The following ZNF536 variants were observed in gnomAD, a reference collection of about 807,000 sequenced individuals.
ZNF536 encodes zinc finger protein 536.
A neutral mutation model predicts 84.5 loss-of-function variants in ZNF536; 13 were observed. The observed-to-expected ratio is 0.15, with a 90% CI of 0.10 to 0.24. The LOEUF is 0.24. Ranked by LOEUF, ZNF536 falls within the 10% of genes least tolerant of loss-of-function variation. The pLI, the probability that ZNF536 is intolerant of heterozygous loss-of-function variation, is 1.00. For missense variants in ZNF536, 1,536 were observed against 1,747.5 expected (o/e 0.88, Z 2.16); for synonymous variants, 811 against 742.5 (o/e 1.09, Z -1.50).
chr19:30,537,133 C>A (rs1197152249), intron 3 of ZNF536, among the ~76,000 whole-genome samples: 1 of 152,336 alleles, frequency 6.6e-6, no homozygotes, highest in Non-Finnish European at 1.5e-5. Flanking sequence ...GTGTCCCCAG[C>A]CTAGAACAGA....
intron 1 of ZNF536, among the ~76,000 whole-genome samples, chr19:30,240,345 C>T (rs1273769384): frequency 6.6e-6 from 1 of 151,800 alleles, no homozygotes; most frequent in Admixed American, 6.6e-5. Flanking sequence ...TACACTCCAG[C>T]CTGGGTGACA....
intron 2 of ZNF536, among the ~76,000 whole-genome samples, chr19:30,299,246 T>C (rs1325849973): frequency 2.0e-5 from 3 of 151,980 alleles, no homozygotes; most frequent in Non-Finnish European, 2.9e-5. Context: ...CAACAGCTCA[T>C]TTAAATAAGC....
intron 1 of ZNF536, among the ~76,000 whole-genome samples, chr19:30,673,052 A>G (rs1044580669): frequency 2.6e-5 from 4 of 152,176 alleles, no homozygotes; most frequent in Non-Finnish European, 4.4e-5. Context: ...GCTTTGGCAT[A>G]TGTGGAAACA....
intron 1 of ZNF536, among the ~76,000 whole-genome samples, chr19:30,626,884 C>T (rs1355748289): frequency 1.3e-5 from 2 of 152,242 alleles, no homozygotes; most frequent in Non-Finnish European, 2.9e-5. Context: ...GAAGCCCTAA[C>T]CTCCAGGCTG....
intron 1 of ZNF536, among the ~76,000 whole-genome samples, chr19:30,619,365 CATG>C (rs1272869639): frequency 6.6e-6 from 1 of 152,160 alleles, no homozygotes; most frequent in African/African-American, 2.4e-5. Flanking sequence ...AACTTAGGTA[CATG>C]TCTGGATCCA....
chr19:30,695,453 G>A, intron 1 of ZNF536, among the ~76,000 whole-genome samples: 1 of 152,216 alleles, frequency 6.6e-6, no homozygotes, highest in East Asian at 1.9e-4. Flanking sequence ...TAATTGTGTG[G>A]TGCCACAGAT....
intron 1 of ZNF536, among the ~76,000 whole-genome samples, chr19:30,565,013 G>A (rs1018349581): frequency 1.3e-5 from 2 of 152,074 alleles, no homozygotes; most frequent in South Asian, 2.1e-4. Context: ...CCGTGCCATC[G>A]CCTTGTCCGG....
intron 1 of ZNF536, among the ~76,000 whole-genome samples, chr19:30,276,533 T>C (rs2026143163): frequency 6.6e-6 from 1 of 152,216 alleles, no homozygotes; most frequent in Non-Finnish European, 1.5e-5. Context: ...CTCAGCTTTT[T>C]AGTTTTTTTT....
chr19:30,605,626 T>C (rs922966053), intron 1 of ZNF536, among the ~76,000 whole-genome samples: 2 of 152,214 alleles, frequency 1.3e-5, no homozygotes, highest in African/African-American at 4.8e-5. Context: ...TTTGCAACTT[T>C]GAATTGTGCT....
At chr19:30,327,660 CT>C (rs1175989109) in intron 2 of ZNF536, among the ~76,000 whole-genome samples, 1 of 152,210 alleles carries the variant, frequency 6.6e-6, no homozygotes, top group African/African-American at 2.4e-5. Context: ...TGGGAGGTGT[CT>C]TTCATGCATT....
rs373123544 is a variant in ZNF536 at position 30,423,797 on chromosome 19, G to A, written c.-2-19764G>A. The stretch of plus-strand genomic sequence containing the variant: ...GGCTGGCAGTGACAGCAGCTGTGGC[G>A]GGGAACGGGGGCCTGGGAGCGGTCG... On this transcript the variant is annotated intron_variant, in intron 1 of 4. Transcript: ENST00000355537. Among the ~76,000 whole-genome samples the A allele has an allele frequency of 4.8e-3, 732 of 152,300 alleles. 9 individuals are homozygous for A. Among genetic ancestry groups the A allele is most frequent in the South Asian group, 0.041 (199 of 4,822 alleles).
At chr19:30,602,086 C>T (rs759761580) in intron 1 of ZNF536, among the ~76,000 whole-genome samples, 10 of 152,176 alleles carry the variant, frequency 6.6e-5, no homozygotes, top group African/African-American at 1.9e-4. Context: ...CACCCATTAG[C>T]GTTATCTGCA....
chr19:30,240,646 C>A (rs990612660), intron 1 of ZNF536, among the ~76,000 whole-genome samples: 11 of 152,188 alleles, frequency 7.2e-5, no homozygotes, highest in African/African-American at 2.7e-4. Context: ...CCTGGAAGAA[C>A]CCCCGAGCAG....
chr19:30,359,072 G>A (rs1229167237), intron 3 of ZNF536, among the ~76,000 whole-genome samples: 1 of 150,282 alleles, frequency 6.7e-6, no homozygotes, highest in African/African-American at 2.5e-5. Flanking sequence ...CAGCCGCCTA[G>A]GAGTGTGGGC....
chr19:30,525,109 G>A (rs181969155), intron 2 of ZNF536, among the ~76,000 whole-genome samples: 2 of 152,302 alleles, frequency 1.3e-5, no homozygotes, highest in East Asian at 3.9e-4. Context: ...TCACACTTTA[G>A]TCTTCTAAGG....
Position 30,702,567 on chromosome 19 carries a change from A to T in ZNF536, c.170-8190A>T, listed in dbSNP as rs147571064. Among the ~76,000 whole-genome samples the T allele has an allele frequency of 5.8e-3, 878 of 152,114 alleles. 5 individuals are homozygous for T. Among genetic ancestry groups the T allele is most frequent in the African/African-American group, 0.02 (838 of 41,494 alleles). On this transcript the variant is annotated intron_variant, in intron 1 of 1. Transcript: ENST00000592773. ...ACTGGTGTGGCGGCAGTGCTGGAAA[A>T]GTCTTCCCAATTCTCTTCTCCCACG... is the stretch of plus-strand genomic sequence containing the variant.
chr19:30,226,756 C>T (rs1599795524), upstream of ZNF536, among the ~76,000 whole-genome samples: 2 of 152,204 alleles, frequency 1.3e-5, no homozygotes, highest in East Asian at 3.9e-4. The surrounding 1 kb of genome is among the most constrained non-coding windows in gnomAD (Gnocchi z 4.6). Context: ...CCAATCAGAG[C>T]GAGGAAGTGC....
At chr19:30,347,911 C>G (rs2047801280) in intron 2 of ZNF536, among the ~76,000 whole-genome samples, 1 of 152,186 alleles carries the variant, frequency 6.6e-6, no homozygotes, top group African/African-American at 2.4e-5. Context: ...AAACAGCAAA[C>G]AGGCAGGGGC....
Position 30,443,721 on chromosome 19 carries a change from G to T in ZNF536, c.159G>T (p.Arg53=), listed in dbSNP as rs2148150315. ...ATGCCTTCCCCGAGCTCCATCCCCG[G>T]CCCAACCCCGAGGAGAAGCCCCCCG... The part of the protein sequence containing the change: ...LSHAFPELHP[R]PNPEEKPPAS... The change falls in exon 2 of 5, where the codon CGG becomes CGT. Residue 53 remains arginine, a synonymous_variant. Coordinates refer to ENST00000355537, the MANE Select transcript of ZNF536 (RefSeq NM_014717.3). 1 of 1,613,300 alleles carries T rather than the reference G, an allele frequency of 6.2e-7. No individual in the cohort carries two copies. Among genetic ancestry groups the T allele is most frequent in the Middle Eastern group, 1.7e-4 (1 of 6,056 alleles).
Sources: allele counts gnomAD v4.1 joint callset (sites outside exome capture counted in the v4.1 genomes callset), GRCh38; gene constraint gnomAD v4.1.1; non-coding constraint Gnocchi (gnomAD v3.1); transcripts MANE v1.5; gene names NCBI Gene and HGNC (gene_info 2026-07-23, HGNC 2026-07-21).